Variants in KIFC1 observed in about 807,000 individuals in gnomAD.
KIFC1 encodes kinesin family member C1.
KIFC1 carries 37 observed loss-of-function variants against 66.6 expected under a neutral mutation model. That is an observed-to-expected ratio of 0.56 (90% CI 0.43 to 0.73). The LOEUF (loss-of-function observed/expected upper bound fraction) is 0.73. Ranked by LOEUF, KIFC1 falls within the 30% of genes least tolerant of loss-of-function variation. KIFC1 has a pLI of 0.00. For missense variants in KIFC1, 721 were observed against 859.8 expected, an observed-to-expected ratio of 0.84 and a Z score of 2.02; for synonymous variants, 325 against 343.5, an observed-to-expected ratio of 0.95 and a Z score of 0.60.
At chr6:33,392,027 C>T in intron 1 of KIFC1, 30 bp downstream of exon 1, 1 of 1,612,918 alleles carries the variant, frequency 6.2e-7, no homozygotes, top group East Asian at 2.2e-5. Context: ...GTGTCCTGCC[C>T]TGGGGATGGG....
In KIFC1 at chr6:33,400,773, C is replaced by T. The variant is rs371005; in HGVS notation, c.250+2386C>T. On this transcript the variant is annotated intron_variant, in intron 3 of 10. Coordinates refer to ENST00000428849, the MANE Select transcript of KIFC1 (RefSeq NM_002263.4). This position sits in a 1 kb window ranked among gnomAD's most constrained non-coding sequence, Gnocchi z 4.3. ...GCCATTTTCCTGCCTCAGCCTTCCG[C>T]GTAGCTGGGACTACAGGCGCCCTCC... 0.35 allele frequency among the ~76,000 whole-genome samples: 52,514 copies of T among 151,914 alleles called. 9,689 individuals carry two copies. The highest frequency in any genetic ancestry group is 0.39 in the South Asian group (1,868 of 4,812).
At chr6:33,397,805 C>G (rs1410298323) in intron 1 of KIFC1, among the ~76,000 whole-genome samples, 1 of 152,170 alleles carries the variant, frequency 6.6e-6, no homozygotes, top group Non-Finnish European at 1.5e-5. Context: ...TTGAGTCCCA[C>G]CCTTAAAGTT....
chr6:33,391,600 ACTATTGCCG>A, upstream of KIFC1: 1 of 367,378 alleles, frequency 2.7e-6, no homozygotes, highest in South Asian at 2.6e-5. Context: ...GAAGTCCAGC[ACTATTGCCG>A]CTAGAGGAGG....
At chr6:33,392,074 G>T (rs972472281) in intron 1 of KIFC1, 77 bp downstream of exon 1, 5 of 1,531,150 alleles carry the variant, frequency 3.3e-6, no homozygotes, top group Non-Finnish European at 3.6e-6. Context: ...TCGCGCCCCC[G>T]GCTCCCGGTC....
rs550616476 is a variant in KIFC1 at position 33,401,425 on chromosome 6, C to T, written c.251-1889C>T. Among the ~76,000 whole-genome samples, 11 of 152,102 alleles carry T rather than the reference C, an allele frequency of 7.2e-5. No individual in the cohort carries two copies. The East Asian group carries it at 1.9e-3, about 27-fold the overall frequency. ...CTGGGATTACAGACATGAGTTACTGCGCCCCGCCTGAAATTCTTTTTTTAA... is the reference window on the plus strand; with the variant it reads ...CTGGGATTACAGACATGAGTTACTGTGCCCCGCCTGAAATTCTTTTTTTAA... On this transcript the variant is annotated intron_variant, in intron 3 of 10. Transcript: ENST00000428849. The surrounding 1 kb of genome is among the most constrained non-coding windows in gnomAD (Gnocchi z 4.5).
In KIFC1 at chr6:33,404,796, T is replaced by C; in HGVS notation, c.757-56T>C. The C allele has an allele frequency of 6.6e-7, 1 of 1,513,548 alleles. No individual in the cohort carries two copies. Among genetic ancestry groups the C allele is most frequent in the South Asian group, 1.3e-5 (1 of 78,668 alleles). 93.8% of individuals were successfully genotyped at this position (1,513,548 alleles called of 1,614,324 possible). ...CCCACTCCATACGCCCCACAGTTTG[T>C]TCTTCTTCTTGGTTGCATCTTACCC... On this transcript the variant is annotated intron_variant, in intron 6 of 10. Transcript: ENST00000428849. The surrounding 1 kb of genome is among the most constrained non-coding windows in gnomAD (Gnocchi z 4.0).
intron 1 of KIFC1, among the ~76,000 whole-genome samples, chr6:33,394,579 T>TCAAGCAATCCTCCCACCTC (rs1430364844): frequency 1.2e-4 from 18 of 152,204 alleles, no homozygotes; most frequent in African/African-American, 4.3e-4. Flanking sequence ...CCTCCCAGCT[T>TCAAGCAATCCTCCCACCTC]CAAGCAATCC....
At chr6:33,393,434 CTTTTTTTT>C (rs71536188) in intron 1 of KIFC1, among the ~76,000 whole-genome samples, 1 of 82,518 alleles carries the variant, frequency 1.2e-5, no homozygotes, top group African/African-American at 5.1e-5. Context: ...GCACCATTGC[CTTTTTTTT>C]TTTTTTTTTT....
chr6:33,401,479 C>G lies in KIFC1; in HGVS notation c.251-1835C>G, dbSNP rs1775370286. On this transcript the variant is annotated intron_variant, in intron 3 of 10. Coordinates refer to ENST00000428849, the MANE Select transcript of KIFC1 (RefSeq NM_002263.4). This position sits in a 1 kb window ranked among gnomAD's most constrained non-coding sequence, Gnocchi z 4.5. ...AAAATTTTATTTATTTGTATTTTTTCCAAGAAATAAGCTTAAATTTGAAAA... is the reference window on the plus strand; with the variant it reads ...AAAATTTTATTTATTTGTATTTTTTGCAAGAAATAAGCTTAAATTTGAAAA... Among the ~76,000 whole-genome samples, 1 of 151,984 alleles carries G rather than the reference C, an allele frequency of 6.6e-6. No individual in the cohort carries two copies. The highest frequency in any genetic ancestry group is 2.4e-5 in the African/African-American group (1 of 41,362).
At chr6:33,394,799 C>G (rs114743091) in intron 1 of KIFC1, among the ~76,000 whole-genome samples, 1,769 of 152,234 alleles carry the variant, frequency 0.012, 21 homozygotes, top group Middle Eastern at 0.02. Flanking sequence ...GCGATGTTGA[C>G]GATGCAGTTC....
At position 33,405,548 on chromosome 6, in the gene KIFC1, T is replaced by G. The variant is rs1775604978; in HGVS notation, c.1453T>G (p.Cys485Gly). 6.2e-7 allele frequency: 1 copy of G among 1,602,744 alleles called. No individual in the cohort carries two copies. The highest frequency in any genetic ancestry group is 8.5e-7 in the Non-Finnish European group (1 of 1,175,140). Residue 485 changes from cysteine (C) to glycine (G), a missense_variant, in exon 7 of 11, where the codon TGT becomes GGT. Physicochemically the swap from Cys to Gly is radical, Grantham distance 159. Transcript: ENST00000428849. This position sits in a 1 kb window ranked among gnomAD's most constrained non-coding sequence, Gnocchi z 5.4. ...TGTRKGQGGECEIRRAGPGSE... is the reference protein window; with the variant it reads ...TGTRKGQGGEGEIRRAGPGSE... ...AACCCGGAAGGGTCAAGGGGGCGAG[T>G]GTGAGATTCGCCGTGCAGGGCCAGG...
chr6:33,395,623 C>G (rs1156593338), intron 1 of KIFC1, among the ~76,000 whole-genome samples: 1 of 152,194 alleles, frequency 6.6e-6, no homozygotes, highest in Non-Finnish European at 1.5e-5. Flanking sequence ...AATATATATA[C>G]TGTGGTCTTT....
chr6:33,403,781 C>A lies in KIFC1; in HGVS notation c.408C>A (p.Ala136=), dbSNP rs755558369. Reference sequence around the variant, plus strand: ...GGAAGAAACCCAGCAAACGTCCAGCCTGGGACTTAAAGGGTCAGTTATGTG... The same window carrying A: ...GGAAGAAACCCAGCAAACGTCCAGCATGGGACTTAAAGGGTCAGTTATGTG... ...AGGKKPSKRP[A]WDLKGQLCDL... Residue 136 remains alanine, a synonymous_variant, in exon 6 of 11, where the codon GCC becomes GCA. Coordinates refer to ENST00000428849, the MANE Select transcript of KIFC1 (RefSeq NM_002263.4). This position sits in a 1 kb window ranked among gnomAD's most constrained non-coding sequence, Gnocchi z 4.6. 5.6e-6 allele frequency: 9 copies of A among 1,614,040 alleles called. No homozygotes were observed. The highest frequency in any genetic ancestry group is 1.3e-5 in the African/African-American group (1 of 74,914).
intron 1 of KIFC1, among the ~76,000 whole-genome samples, chr6:33,397,188 G>C (rs1251593208): frequency 2.0e-5 from 3 of 148,368 alleles, no homozygotes; most frequent in African/African-American, 5.0e-5. Context: ...TGTTGGTCAG[G>C]CTGGTCTTGA....
chr6:33,404,913 G>A lies in KIFC1; in HGVS notation c.818G>A (p.Arg273Gln), dbSNP rs11539350. Reference sequence around the variant, plus strand: ...AGCCAAGCAGAGGTGGCATCTCTGCGGCAGGAGACTGTGGCCCAGGCAGCC... The same window carrying A: ...AGCCAAGCAGAGGTGGCATCTCTGCAGCAGGAGACTGTGGCCCAGGCAGCC... Reference protein sequence around the residue: ...SSSQAEVASLRQETVAQAALL... With the variant: ...SSSQAEVASLQQETVAQAALL... The change falls in exon 7 of 11, where the codon CGG becomes CAG. Residue 273 changes from arginine (R) to glutamine (Q), a missense_variant. Transcript: ENST00000428849. The surrounding 1 kb of genome is among the most constrained non-coding windows in gnomAD (Gnocchi z 4.0). 4,462 of 1,614,046 alleles carry A rather than the reference G, an allele frequency of 2.8e-3. 9 individuals carry two copies. Among genetic ancestry groups the A allele is most frequent in the Non-Finnish European group, 3.5e-3 (4,114 of 1,180,010 alleles).
At position 33,406,189 on chromosome 6, in the gene KIFC1, T is replaced by C. The variant is rs1305184759; in HGVS notation, c.1537-7T>C. 6.3e-7 allele frequency: 1 copy of C among 1,598,960 alleles called. No homozygotes were observed. Among genetic ancestry groups the C allele is most frequent in the Admixed American group, 1.7e-5 (1 of 58,920 alleles). On this transcript the variant is annotated splice_polypyrimidine_tract_variant and splice_region_variant and intron_variant, in intron 7 of 10. Transcript: ENST00000428849. This position sits in a 1 kb window ranked among gnomAD's most constrained non-coding sequence, Gnocchi z 4.5. ...TGCCTTTTTGCCCCTTCTGCTCCCA[T>C]CCCCAGGTGGACGCCCTGCTTCATC...
intron 1 of KIFC1, 25 bp downstream of exon 1, chr6:33,392,022 C>A: frequency 6.2e-7 from 1 of 1,613,268 alleles, no homozygotes; most frequent in South Asian, 1.1e-5. Context: ...CGCAGGTGTC[C>A]TGCCCTGGGG....
intron 1 of KIFC1, among the ~76,000 whole-genome samples, chr6:33,393,698 G>A (rs1453054596): frequency 6.6e-6 from 1 of 150,696 alleles, no homozygotes; most frequent in East Asian, 1.9e-4. Context: ...CGCCTGCCTC[G>A]GCCTCCGAGA....
Position 33,406,589 on chromosome 6 carries a change from TA to T in KIFC1, c.1828-2del. 6.2e-7 allele frequency: 1 copy of T among 1,614,072 alleles called. No homozygotes were observed. The highest frequency in any genetic ancestry group is 8.5e-7 in the Non-Finnish European group (1 of 1,179,972). On this transcript the variant is annotated splice_acceptor_variant, in intron 8 of 10. Transcript: ENST00000428849. LOFTEE classifies it high-confidence loss of function. This position sits in a 1 kb window ranked among gnomAD's most constrained non-coding sequence, Gnocchi z 4.5. ...AACATCTGTCCCCACCTCAATCATC[TA>T]GGAGTCCCACGTGCCTTACCGGAAC...
Sources: gnomAD v4.1 joint callset for allele counts (sites outside exome capture counted in the v4.1 genomes callset) on GRCh38, gnomAD v4.1.1 for gene constraint, Gnocchi (gnomAD v3.1) non-coding constraint, MANE v1.5 for transcripts, NCBI Gene and HGNC (gene_info 2026-07-23, HGNC 2026-07-21) for gene names.